Variants in ZNF385C observed in about 807,000 individuals in gnomAD.
The protein encoded by ZNF385C is zinc finger protein 385C.
ZNF385C carries 28 observed loss-of-function variants against 35.4 expected under a neutral mutation model. The ratio of observed to expected loss-of-function variants is 0.79; its 90% CI spans 0.59 to 1.08. ZNF385C has a LOEUF of 1.08. ZNF385C is among the 50% of genes least tolerant of loss of function. The pLI is 0.00. For missense variants in ZNF385C, 605 were observed against 595.6 expected, an observed-to-expected ratio of 1.02 and a Z score of -0.16; for synonymous variants, 248 against 248.2, an observed-to-expected ratio of 1.00 and a Z score of 0.01.
intron 1 of ZNF385C, among the ~76,000 whole-genome samples, chr17:42,086,351 C>T (rs896665756): frequency 1.3e-5 from 2 of 152,026 alleles, no homozygotes; most frequent in Non-Finnish European, 2.9e-5. Flanking sequence ...GAGATCGCTT[C>T]GGCCTGGGCA....
chr17:42,070,299 G>C (rs1237220121), intron 1 of ZNF385C, among the ~76,000 whole-genome samples: 9 of 152,150 alleles, frequency 5.9e-5, no homozygotes, highest in Non-Finnish European at 1.2e-4. Flanking sequence ...AGCCGAGATC[G>C]CGCCACTGCA....
At chr17:42,032,295 G>A (rs1475968080) in intron 4 of ZNF385C, among the ~76,000 whole-genome samples, 3 of 152,176 alleles carry the variant, frequency 2.0e-5, no homozygotes, top group South Asian at 2.1e-4. Context: ...CTCCTGCCTC[G>A]TGATCCACCC....
rs1367952508 is a variant in ZNF385C at position 42,034,225 on chromosome 17, C to T, written c.510G>A (p.Ala170=). 5.2e-6 allele frequency: 8 copies of T among 1,549,892 alleles called. No homozygotes were observed. Among genetic ancestry groups the T allele is most frequent in the East Asian group, 4.9e-5 (2 of 40,926 alleles). ...CNICHLRFNS[A]NQAEAHYKGH... Reference sequence around the variant, plus strand: ...ACCTGCTTTCACTACTTTGTCTCACCGCTGAGTTGAACCTCAGGTGACAGA... The same window carrying T: ...ACCTGCTTTCACTACTTTGTCTCACTGCTGAGTTGAACCTCAGGTGACAGA... Residue 170 remains alanine (A), a splice_region_variant and synonymous_variant, in exon 4 of 9, where the codon GCG becomes GCA. Transcript: ENST00000692273.
intron 1 of ZNF385C, among the ~76,000 whole-genome samples, chr17:42,090,259 C>CCCATTTCCT (rs1182461417): frequency 1.3e-5 from 2 of 149,594 alleles, no homozygotes; most frequent in East Asian, 3.9e-4. Flanking sequence ...TTCCTTCCTT[C>CCCATTTCCT]CCATTTCCTC....
chr17:42,027,933 T>A, intron 7 of ZNF385C, 117 bp downstream of exon 7: 1 of 1,382,512 alleles, frequency 7.2e-7, no homozygotes, highest in Non-Finnish European at 1.0e-6. Flanking sequence ...CTGGCCTCGC[T>A]TCTCCAGCCT....
At chr17:42,086,828 C>CTTT (rs531764608) in intron 1 of ZNF385C, among the ~76,000 whole-genome samples, 5 of 132,376 alleles carry the variant, frequency 3.8e-5, no homozygotes, top group Non-Finnish European at 1.6e-5. Flanking sequence ...CAGTTTAATA[C>CTTT]TTTTTTTTTT....
Position 42,031,662 on chromosome 17 carries a change from G to A in ZNF385C, c.633C>T (p.Ile211=), listed in dbSNP as rs2052732027. 6.4e-7 allele frequency: 1 copy of A among 1,550,642 alleles called. No individual in the cohort carries two copies. The highest frequency in any genetic ancestry group is 8.7e-7 in the Non-Finnish European group (1 of 1,147,010). The part of the protein sequence containing the change: ...QAQDGAVVSP[I]PTLASGAPGE... ...CAGGGGCTCCACTGGCCAGCGTTGG[G>A]ATTGGGGACACTACAGCCCCATCCT... Residue 211 remains isoleucine (I), a synonymous_variant, in exon 5 of 9, where the codon ATC becomes ATT. Transcript: ENST00000692273.
rs1555655007 is a variant in ZNF385C at position 42,031,642 on chromosome 17, GC to G, written c.652del (p.Ala218ProfsTer74). On this transcript the variant is annotated frameshift_variant, in exon 5 of 9. Transcript: ENST00000692273. LOFTEE classifies it high-confidence loss of function. ...ACCTTTACTCTGTGGCTCTCCAGGG[GC>G]TCCACTGGCCAGCGTTGGGATTGGG... ...VSPIPTLASGAPGEPQSKVPA... is the reference protein window; with the variant it reads ...VSPIPTLASGXPGEPQSKVPA... The G allele has an allele frequency of 6.4e-7, 1 of 1,550,636 alleles. No individual in the cohort carries two copies. Among genetic ancestry groups the G allele is most frequent in the South Asian group, 1.2e-5 (1 of 84,064 alleles).
intron 1 of ZNF385C, among the ~76,000 whole-genome samples, chr17:42,075,129 G>A (rs1399656137): frequency 6.6e-6 from 1 of 152,090 alleles, no homozygotes; most frequent in Non-Finnish European, 1.5e-5. Context: ...TCCTAAAGGG[G>A]CTCTTCTCCC....
chr17:42,067,706 C>T (rs1177076531), intron 1 of ZNF385C, among the ~76,000 whole-genome samples: 6 of 152,262 alleles, frequency 3.9e-5, no homozygotes, highest in Non-Finnish European at 1.5e-5. Context: ...AGATGGAGGT[C>T]ATCACAGCGA....
chr17:42,040,176 C>CGCTGCGAAGGCGGCCACGGCGT, intron 2 of ZNF385C: 1 of 1,231,564 alleles, frequency 8.1e-7, no homozygotes, highest in Non-Finnish European at 1.0e-6. Context: ...GGTCGAAGAT[C>CGCTGCGAAGGCGGCCACGGCGT]GCTGCGAAGG....
intron 1 of ZNF385C, among the ~76,000 whole-genome samples, chr17:42,091,057 G>C (rs1452573838): frequency 6.6e-6 from 1 of 152,150 alleles, no homozygotes; most frequent in Non-Finnish European, 1.5e-5. Flanking sequence ...GGGGCTTGGG[G>C]GTAGGGGCTG....
chr17:42,072,313 C>G (rs556866664), intron 1 of ZNF385C, among the ~76,000 whole-genome samples: 344 of 152,256 alleles, frequency 2.3e-3, no homozygotes, highest in African/African-American at 7.9e-3. Context: ...CCTCTCTCCC[C>G]CTAATGGGAG....
intron 3 of ZNF385C, 23 bp from the exon 4 acceptor site, chr17:42,034,358 T>G: frequency 6.5e-7 from 1 of 1,537,268 alleles, no homozygotes; most frequent in Non-Finnish European, 8.8e-7. Flanking sequence ...TGGGAGGGCA[T>G]AATAACTCTG....
chr17:42,027,923 C>T (rs2052630858), intron 7 of ZNF385C, 127 bp downstream of exon 7: 3 of 1,321,072 alleles, frequency 2.3e-6, no homozygotes, highest in Admixed American at 2.2e-5. Context: ...CACTGGCCTG[C>T]TGGCCTCGCT....
At chr17:42,029,212 A>T in intron 5 of ZNF385C, 139 bp from the exon 6 acceptor site, 1 of 1,018,504 alleles carries the variant, frequency 9.8e-7, no homozygotes, top group South Asian at 1.7e-5. Context: ...CTACCAACTC[A>T]CTGGGCAGAC....
intron 2 of ZNF385C, among the ~76,000 whole-genome samples, chr17:42,047,872 C>G (rs2053200665): frequency 6.6e-6 from 1 of 151,988 alleles, no homozygotes; most frequent in African/African-American, 2.4e-5. Flanking sequence ...TCAGGCTGGT[C>G]TCGAACTCCT....
intron 2 of ZNF385C, among the ~76,000 whole-genome samples, chr17:42,042,063 C>T (rs1193304583): frequency 1.3e-5 from 2 of 152,170 alleles, no homozygotes; most frequent in African/African-American, 4.8e-5. Flanking sequence ...TAAACAGGCT[C>T]AGCACAGAAA....
intron 1 of ZNF385C, among the ~76,000 whole-genome samples, chr17:42,072,947 C>T (rs1259315906): frequency 3.9e-5 from 6 of 151,938 alleles, no homozygotes; most frequent in Admixed American, 6.5e-5. Context: ...CTTCCCCCAC[C>T]CCCTGTCAGC....
Sources: gnomAD v4.1 joint callset for allele counts (sites outside exome capture counted in the v4.1 genomes callset) on GRCh38, gnomAD v4.1.1 for gene constraint, MANE v1.5 for transcripts, NCBI Gene and HGNC (gene_info 2026-07-23, HGNC 2026-07-21) for gene names.